The following XRN1 variants were observed in gnomAD, a reference collection of about 807,000 sequenced individuals.
XRN1 encodes strand-exchange protein 1 homolog.
XRN1 carries 67 observed loss-of-function variants against 222.3 expected under a neutral mutation model. The ratio of observed to expected loss-of-function variants is 0.30; its 90% CI spans 0.25 to 0.37. The LOEUF (loss-of-function observed/expected upper bound fraction) is 0.37. Ranked by LOEUF, XRN1 falls within the 10% of genes least tolerant of loss-of-function variation. The pLI is 1.00. For missense variants in XRN1, 1,707 were observed against 2,000.2 expected, an observed-to-expected ratio of 0.85 and a Z score of 2.80; for synonymous variants, 643 against 652.4, an observed-to-expected ratio of 0.99 and a Z score of 0.22.
At chr3:142,359,070 G>A (rs2066543885) in intron 30 of XRN1, among the ~76,000 whole-genome samples, 1 of 152,026 alleles carries the variant, frequency 6.6e-6, no homozygotes, top group African/African-American at 2.4e-5. Flanking sequence ...ACCTACCCAA[G>A]GAAATACAAC....
intron 20 of XRN1, among the ~76,000 whole-genome samples, chr3:142,391,736 TAAAA>T (rs201046497): frequency 0.047 from 5,754 of 121,926 alleles, 184 homozygotes; most frequent in African/African-American, 0.093. Flanking sequence ...CCCGTCTCAC[TAAAA>T]AAAAAAAAAA....
intron 1 of XRN1, among the ~76,000 whole-genome samples, chr3:142,437,102 A>C (rs929012029): frequency 1.3e-5 from 2 of 152,204 alleles, no homozygotes; most frequent in Admixed American, 1.3e-4. Context: ...GTGTTGAATA[A>C]AGTGAGAACA....
At chr3:142,392,659 A>C (rs1288470508) in intron 20 of XRN1, among the ~76,000 whole-genome samples, 16 of 150,752 alleles carry the variant, frequency 1.1e-4, no homozygotes, top group African/African-American at 3.2e-4. Context: ...TGAACTCATC[A>C]TTTTTTATGG....
At chr3:142,441,232 A>G (rs2108206778) in intron 1 of XRN1, among the ~76,000 whole-genome samples, 1 of 152,356 alleles carries the variant, frequency 6.6e-6, no homozygotes, top group South Asian at 2.1e-4. Flanking sequence ...GTTCCTTGGC[A>G]TAACAGGTTT....
At chr3:142,410,530 T>C (rs1030770670) in intron 15 of XRN1, among the ~76,000 whole-genome samples, 2 of 139,436 alleles carry the variant, frequency 1.4e-5, no homozygotes, top group African/African-American at 5.6e-5. Context: ...AGTCTGGCTC[T>C]GTTGCCAGGC....
In XRN1 at chr3:142,383,386, A is replaced by G. The variant is rs984922545; in HGVS notation, c.2530T>C (p.Ser844Pro). The G allele has an allele frequency of 1.2e-6, 2 of 1,613,784 alleles. No homozygotes were observed. The highest frequency in any genetic ancestry group is 1.7e-6 in the Non-Finnish European group (2 of 1,179,930). Residue 844 changes from serine (S) to proline (P), a missense_variant, in exon 22 of 41, where the codon TCC (serine) becomes CCC (proline). Coordinates refer to ENST00000392981, the MANE Select transcript of XRN1 (RefSeq NM_001282857.2). The stretch of plus-strand genomic sequence containing the variant: ...AAATCATCCAATGTTTTGATATTGG[A>G]GAAACGGGAGTCGAAAGCTCGGATG... ...KDIRAFDSRF[S>P]NIKTLDDLFP...
intron 36 of XRN1, among the ~76,000 whole-genome samples, chr3:142,331,768 A>T (rs2065703221): frequency 6.6e-6 from 1 of 152,026 alleles, no homozygotes; most frequent in Admixed American, 6.6e-5. Context: ...ACATGGTTGT[A>T]TTATTATTGT....
intron 33 of XRN1, 130 bp downstream of exon 33, chr3:142,347,104 A>G (rs2066166544): frequency 1.4e-6 from 1 of 698,550 alleles, no homozygotes; most frequent in Non-Finnish European, 2.3e-6. Flanking sequence ...GTGAAAATAC[A>G]AAAAACCACT....
intron 2 of XRN1, among the ~76,000 whole-genome samples, chr3:142,432,092 AAT>A (rs1395296012): frequency 8.7e-6 from 1 of 114,544 alleles, no homozygotes; most frequent in Non-Finnish European, 1.7e-5. Flanking sequence ...ATACATATAA[AAT>A]ATATACATTA....
At chr3:142,331,133 T>A (rs1390714568) in intron 36 of XRN1, among the ~76,000 whole-genome samples, 2 of 152,188 alleles carry the variant, frequency 1.3e-5, no homozygotes. Flanking sequence ...CAGGTTTTGA[T>A]CTTTAATACG....
chr3:142,333,233 A>C, intron 34 of XRN1, 144 bp from the exon 35 acceptor site: 1 of 1,002,378 alleles, frequency 1.0e-6, no homozygotes. Context: ...GAATTGGAAT[A>C]AATAGTTTTT....
chr3:142,376,095 G>A (rs1048874299), intron 24 of XRN1, 151 bp from the exon 25 acceptor site: 7 of 1,308,474 alleles, frequency 5.3e-6, no homozygotes, highest in Non-Finnish European at 6.9e-6. Context: ...TAGTTATTAT[G>A]GTTATTTCCA....
At chr3:142,317,473 A>G (rs1470447470) in intron 39 of XRN1, among the ~76,000 whole-genome samples, 1 of 152,188 alleles carries the variant, frequency 6.6e-6, no homozygotes, top group Non-Finnish European at 1.5e-5. Context: ...TCTGGGGAGA[A>G]GGGTATGACT....
At chr3:142,379,509 T>C (rs1405038956) in intron 23 of XRN1, among the ~76,000 whole-genome samples, 1 of 152,154 alleles carries the variant, frequency 6.6e-6, no homozygotes, top group African/African-American at 2.4e-5. Context: ...TGCGAATTAA[T>C]TTTAGCTAAT....
Position 142,403,956 on chromosome 3 carries a change from T to A in XRN1, c.1917A>T (p.Val639=). The change falls in exon 17 of 41, where the codon GTA becomes GTT. Residue 639 remains valine (V), a synonymous_variant. Coordinates refer to ENST00000392981, the MANE Select transcript of XRN1 (RefSeq NM_001282857.2). ...TGGTTATTTTGTTTTTGTTTATGTC[T>A]ACACGCCAAGCATCTAAGGATATTA... The part of the protein sequence containing the change: ...YKIISLDAWR[V]DINKNKITRI... 3.8e-6 allele frequency: 6 copies of A among 1,598,388 alleles called. No homozygotes were observed. The highest frequency in any genetic ancestry group is 5.1e-6 in the Non-Finnish European group (6 of 1,166,140).
At chr3:142,391,749 AATATATATATAT>A (rs56952263) in intron 20 of XRN1, among the ~76,000 whole-genome samples, 1 of 103,462 alleles carries the variant, frequency 9.7e-6, no homozygotes, top group African/African-American at 3.6e-5. Flanking sequence ...AAAAAAAAAA[AATATATATATAT>A]ATATATATAT....
chr3:142,361,866 T>C (rs983305450), intron 29 of XRN1, among the ~76,000 whole-genome samples: 1 of 151,432 alleles, frequency 6.6e-6, no homozygotes, highest in Admixed American at 6.6e-5. Flanking sequence ...TGCCTTTTCA[T>C]TTCTGTAATG....
intron 33 of XRN1, among the ~76,000 whole-genome samples, chr3:142,344,702 T>TA (rs2066090744): frequency 6.6e-6 from 1 of 152,114 alleles, no homozygotes; most frequent in Admixed American, 6.5e-5. Context: ...CAAAAAAGTG[T>TA]AAGACTTGCA....
rs538611936 is a variant in XRN1 at position 142,351,815 on chromosome 3, C to T, written c.3768+3586G>A. Among the ~76,000 whole-genome samples, 3 of 151,748 alleles carry T rather than the reference C, an allele frequency of 2.0e-5. No homozygotes were observed. The East Asian group carries it at 5.8e-4, about 30-fold the overall frequency. On this transcript the variant is annotated intron_variant, in intron 32 of 40. Coordinates refer to ENST00000392981, the MANE Select transcript of XRN1 (RefSeq NM_001282857.2). ...ATCTGCAACTTTCTAGGACAGATAT[C>T]ACAGCTGGATACTCCACCATCACCT...
Sources: gnomAD v4.1 joint callset for allele counts (sites outside exome capture counted in the v4.1 genomes callset) on GRCh38, gnomAD v4.1.1 for gene constraint, MANE v1.5 for transcripts, NCBI Gene and HGNC (gene_info 2026-07-23, HGNC 2026-07-21) for gene names.